GRID2: variants seen among roughly 807,000 people sequenced by gnomAD.
GRID2 encodes glutamate receptor ionotropic, delta-2.
Under a neutral mutation model 114.8 loss-of-function variants are expected in GRID2, and 33 were observed. The ratio of observed to expected loss-of-function variants is 0.29; its 90% confidence interval spans 0.22 to 0.38. GRID2 has a LOEUF of 0.38. Among genes scored for constraint, GRID2 ranks in the 10% least tolerant of loss-of-function variants. The pLI, the probability that GRID2 is intolerant of heterozygous loss-of-function variation, is 1.00. For missense variants in GRID2, 1,184 were observed against 1,257.7 expected, an observed-to-expected ratio of 0.94 and a Z score of 0.89; for synonymous variants, 505 against 449.9, an observed-to-expected ratio of 1.12 and a Z score of -1.55.
At chr4:93,575,832 G>T (rs1237603512) in intron 13 of GRID2, among the ~76,000 whole-genome samples, 1 of 152,010 alleles carries the variant, frequency 6.6e-6, no homozygotes, top group Non-Finnish European at 1.5e-5. Context: ...TCAAAATTTG[G>T]AGTATTTATA....
intron 14 of GRID2, among the ~76,000 whole-genome samples, chr4:93,631,219 T>C (rs901646165): frequency 2.9e-4 from 44 of 151,628 alleles, no homozygotes; most frequent in African/African-American, 8.8e-4. Flanking sequence ...GGATTCTCTT[T>C]TTTTTTTATT....
chr4:92,670,973 C>T (rs1161944167), intron 2 of GRID2, among the ~76,000 whole-genome samples: 1 of 151,896 alleles, frequency 6.6e-6, no homozygotes, highest in African/African-American at 2.4e-5. Context: ...TGTTTGGAAC[C>T]CAAAATGTAT....
At chr4:93,682,340 C>A (rs879773990) in intron 14 of GRID2, among the ~76,000 whole-genome samples, 3,609 of 150,288 alleles carry the variant, frequency 0.024, 45 homozygotes, top group African/African-American at 0.036. Context: ...GTGGGACTGT[C>A]AACTAGTTCA....
chr4:93,204,660 C>T (rs1364141023), intron 4 of GRID2, among the ~76,000 whole-genome samples: 1 of 152,130 alleles, frequency 6.6e-6, no homozygotes, highest in Non-Finnish European at 1.5e-5. Flanking sequence ...GCCTAACATA[C>T]TTTAAGATGA....
chr4:92,333,768 T>A (rs1229681760), intron 1 of GRID2, among the ~76,000 whole-genome samples: 1 of 152,188 alleles, frequency 6.6e-6, no homozygotes, highest in Non-Finnish European at 1.5e-5. Context: ...GGGGTCTTGG[T>A]TTGTTACTCA....
intron 2 of GRID2, among the ~76,000 whole-genome samples, chr4:92,923,785 T>C (rs547593224): frequency 1.3e-5 from 2 of 152,260 alleles, no homozygotes; most frequent in South Asian, 2.1e-4. Context: ...GACTGCGACA[T>C]TGAAATTATT....
intron 1 of GRID2, among the ~76,000 whole-genome samples, chr4:92,419,452 T>A (rs1031560042): frequency 3.3e-5 from 5 of 152,076 alleles, no homozygotes; most frequent in African/African-American, 9.7e-5. Context: ...TTCTGGTAAA[T>A]TAAGATGACG....
At chr4:92,879,042 A>C (rs1158651264) in intron 2 of GRID2, among the ~76,000 whole-genome samples, 1 of 152,180 alleles carries the variant, frequency 6.6e-6, no homozygotes, top group African/African-American at 2.4e-5. Context: ...CTAGAGCTTT[A>C]TCTTATTTTG....
intron 2 of GRID2, among the ~76,000 whole-genome samples, chr4:92,910,497 G>A (rs1748291946): frequency 6.6e-6 from 1 of 152,134 alleles, no homozygotes; most frequent in African/African-American, 2.4e-5. Flanking sequence ...GAACATTTTT[G>A]TAGAGACAGT....
chr4:93,571,610 A>G (rs1290370365), intron 13 of GRID2, among the ~76,000 whole-genome samples: 2 of 152,172 alleles, frequency 1.3e-5, no homozygotes, highest in Non-Finnish European at 2.9e-5. Context: ...CATTTAGACT[A>G]ATAAAGTTTA....
At chr4:93,488,741 C>A (rs2149456954) in intron 11 of GRID2, among the ~76,000 whole-genome samples, 2 of 152,050 alleles carry the variant, frequency 1.3e-5, no homozygotes, top group South Asian at 4.1e-4. Flanking sequence ...AAGGTGTCAG[C>A]CAGTTTGGTG....
intron 2 of GRID2, among the ~76,000 whole-genome samples, chr4:92,920,513 T>C (rs1749226987): frequency 6.6e-6 from 1 of 152,214 alleles, no homozygotes; most frequent in African/African-American, 2.4e-5. Flanking sequence ...GTTTAGTGCT[T>C]CCTTCAGGAG....
Position 93,085,105 on chromosome 4 carries a change from A to G in GRID2, c.355A>G (p.Ile119Val), listed in dbSNP as rs767446296. 22 of 1,613,972 alleles carry G rather than the reference A, an allele frequency of 1.4e-5. No homozygotes were observed. The highest frequency in any genetic ancestry group is 3.3e-4 in the Middle Eastern group (2 of 6,084). ...CGCCATGCATATCCCCCACCTCTTC[A>G]TTCAGCGCTCAACAGCTGGGACCCC... is the stretch of plus-strand genomic sequence containing the variant. ...ADAMHIPHLF[I>V]QRSTAGTPRS... The change falls in exon 3 of 16, where the codon ATT (isoleucine) becomes GTT (valine). Residue 119 changes from isoleucine (I) to valine (V), a missense_variant. This residue lies in a region of GRID2 where 455 missense variants were observed against 429.5 expected (regional missense o/e 1.06). Coordinates refer to ENST00000282020, the MANE Select transcript of GRID2 (RefSeq NM_001510.4).
chr4:93,190,282 T>G (rs1740859757), intron 4 of GRID2, among the ~76,000 whole-genome samples: 1 of 152,106 alleles, frequency 6.6e-6, no homozygotes, highest in Non-Finnish European at 1.5e-5. Flanking sequence ...ATTTCTATAT[T>G]TTATTAAACT....
intron 14 of GRID2, among the ~76,000 whole-genome samples, chr4:93,689,184 T>C (rs1476238553): frequency 6.6e-6 from 1 of 152,010 alleles, no homozygotes; most frequent in Non-Finnish European, 1.5e-5. Flanking sequence ...CACCTTGATC[T>C]CAGTCTTCTA....
intron 1 of GRID2, among the ~76,000 whole-genome samples, chr4:92,575,451 T>A (rs1333643549): frequency 6.6e-6 from 1 of 152,204 alleles, no homozygotes; most frequent in Non-Finnish European, 1.5e-5. Flanking sequence ...TTTGTGGACT[T>A]ATCTACCCAT....
intron 8 of GRID2, among the ~76,000 whole-genome samples, chr4:93,278,467 T>C (rs932274614): frequency 4.0e-5 from 6 of 151,780 alleles, no homozygotes; most frequent in Non-Finnish European, 5.9e-5. Flanking sequence ...GAATGGCTCT[T>C]AGTGCTAGGG....
Position 93,349,497 on chromosome 4 carries a change from C to T in GRID2, c.1246-46110C>T, listed in dbSNP as rs149825176. On this transcript the variant is annotated intron_variant, in intron 8 of 15. Coordinates refer to ENST00000282020, the MANE Select transcript of GRID2 (RefSeq NM_001510.4). Reference sequence around the variant, plus strand: ...TCAGAATATTCTCAAATAAAGAAAGCATGCTGAAAAAAAGTTACACTAGAA... The same window carrying T: ...TCAGAATATTCTCAAATAAAGAAAGTATGCTGAAAAAAAGTTACACTAGAA... Among the ~76,000 whole-genome samples, 547 of 152,082 alleles carry T rather than the reference C, an allele frequency of 3.6e-3. 6 individuals carry two copies. Among genetic ancestry groups the T allele is most frequent in the Non-Finnish European group, 6.4e-3 (435 of 67,974 alleles).
chr4:93,587,462 T>G (rs1737658320), intron 13 of GRID2, among the ~76,000 whole-genome samples: 1 of 152,128 alleles, frequency 6.6e-6, no homozygotes, highest in Non-Finnish European at 1.5e-5. Flanking sequence ...TGACATGTAC[T>G]GCTAATACTA....
Sources: allele counts gnomAD v4.1 joint callset (sites outside exome capture counted in the v4.1 genomes callset), GRCh38; gene constraint gnomAD v4.1.1; regional missense constraint gnomAD v4.1.1; transcripts MANE v1.5; gene names NCBI Gene and HGNC (gene_info 2026-07-23, HGNC 2026-07-21).